NOTCH1: variants seen among roughly 807,000 people sequenced by gnomAD.
The protein encoded by NOTCH1 is notch receptor 1.
Under a neutral mutation model 254.8 loss-of-function variants are expected in NOTCH1, and 37 were observed. That is an observed-to-expected ratio of 0.15 (90% CI 0.11 to 0.19). The LOEUF (loss-of-function observed/expected upper bound fraction) is 0.19. NOTCH1 is among the 10% of genes least tolerant of loss of function. The pLI is 1.00. For synonymous variants in NOTCH1, 1,731 were observed against 1,618.1 expected, an observed-to-expected ratio of 1.07 and a Z score of -1.68; for missense variants, 2,972 against 3,708.6, an observed-to-expected ratio of 0.80 and a Z score of 5.16.
Position 136,497,223 on chromosome 9 carries a change from C to T in NOTCH1, c.6516G>A (p.Glu2172=), listed in dbSNP as rs199673148. 6.2e-7 allele frequency: 1 copy of T among 1,612,726 alleles called. No homozygotes were observed. The highest frequency in any genetic ancestry group is 1.1e-5 in the South Asian group (1 of 91,090). ...SSKGLACGSK[E]AKDLKARRKK... is the part of the protein sequence containing the mutation. ...TCCTCCGTGCCTTGAGGTCCTTGGCCTCCTTGCTTCCACAGGCCAGGCCTT... is the reference window on the plus strand; with the variant it reads ...TCCTCCGTGCCTTGAGGTCCTTGGCTTCCTTGCTTCCACAGGCCAGGCCTT... The change falls in exon 34 of 34, where the codon GAG becomes GAA. Residue 2172 remains glutamate, a synonymous_variant. Transcript: ENST00000651671.
At chr9:136,510,204 C>T (rs1432941741) in intron 17 of NOTCH1, among the ~76,000 whole-genome samples, 1 of 152,238 alleles carries the variant, frequency 6.6e-6, no homozygotes, top group Non-Finnish European at 1.5e-5. Context: ...GGGCAGGGGG[C>T]AGCTTTGCAG....
intron 13 of NOTCH1, 127 bp downstream of exon 13, chr9:136,514,383 T>C (rs1843229041): frequency 9.5e-7 from 1 of 1,049,056 alleles, no homozygotes; most frequent in Non-Finnish European, 1.4e-6. Flanking sequence ...GGGAGCTCCC[T>C]GCCACCCAGC....
At chr9:136,507,280 C>G (rs1190302822) in intron 22 of NOTCH1, 25 bp downstream of exon 22, 3 of 1,612,748 alleles carry the variant, frequency 1.9e-6, no homozygotes, top group Admixed American at 1.7e-5. Flanking sequence ...TGGCCAACAC[C>G]AGCCCTCCGT....
intron 2 of NOTCH1, among the ~76,000 whole-genome samples, chr9:136,539,685 C>CTT: frequency 6.6e-6 from 1 of 152,320 alleles, no homozygotes; most frequent in South Asian, 2.1e-4. Flanking sequence ...CCCTGGCGCC[C>CTT]TTGAAGACCA....
At chr9:136,530,888 A>T (rs1475785424) in intron 2 of NOTCH1, among the ~76,000 whole-genome samples, 3 of 151,762 alleles carry the variant, frequency 2.0e-5, no homozygotes, top group African/African-American at 7.3e-5. Context: ...CTCAAACCAC[A>T]CTCCATGAAT....
rs745964897 is a variant in NOTCH1 at position 136,503,345 on chromosome 9, A to G, written c.5019-15T>C. On this transcript the variant is annotated splice_polypyrimidine_tract_variant and intron_variant, in intron 26 of 33. Coordinates refer to ENST00000651671, the MANE Select transcript of NOTCH1 (RefSeq NM_017617.5). ...AGACGATGGAGCTGGGCGGACAATCAGAGAGGGGCTGGGACCCGAGGCTTC... is the reference window on the plus strand; with the variant it reads ...AGACGATGGAGCTGGGCGGACAATCGGAGAGGGGCTGGGACCCGAGGCTTC... The G allele has an allele frequency of 6.2e-7, 1 of 1,612,484 alleles. No individual in the cohort carries two copies. Among genetic ancestry groups the G allele is most frequent in the Admixed American group, 1.7e-5 (1 of 60,008 alleles).
At chr9:136,532,055 G>GTGA (rs1174758902) in intron 2 of NOTCH1, among the ~76,000 whole-genome samples, 1 of 152,226 alleles carries the variant, frequency 6.6e-6, no homozygotes, top group East Asian at 1.9e-4. Flanking sequence ...CGGGCCCAGC[G>GTGA]TGATCACCGG....
intron 2 of NOTCH1, among the ~76,000 whole-genome samples, chr9:136,527,658 G>A (rs1489424769): frequency 2.6e-5 from 4 of 152,202 alleles, no homozygotes; most frequent in Non-Finnish European, 4.4e-5. Context: ...GGGCTCCCAC[G>A]GAGGAGACCC....
At position 136,497,095 on chromosome 9, in the gene NOTCH1, G is replaced by A. The variant is rs1401419952; in HGVS notation, c.6644C>T (p.Ser2215Leu). Residue 2215 changes from serine (S) to leucine (L), a missense_variant, in exon 34 of 34, where the codon TCG (serine) becomes TTG (leucine). By Grantham distance (145) the Ser-to-Leu change is moderately radical (BLOSUM62 -2). Coordinates refer to ENST00000651671, the MANE Select transcript of NOTCH1 (RefSeq NM_017617.5). Reference protein sequence around the residue: ...SPHGYLSDVASPPLLPSPFQQ... With the variant: ...SPHGYLSDVALPPLLPSPFQQ... ...GAACGGGGAGGGCAGCAGTGGCGGC[G>A]AGGCCACGTCTGACAGGTAGCCATG... The A allele has an allele frequency of 6.8e-6, 11 of 1,609,976 alleles. No homozygotes were observed. Among genetic ancestry groups the A allele is most frequent in the East Asian group, 4.5e-5 (2 of 44,806 alleles).
At chr9:136,531,834 G>A (rs566297877) in intron 2 of NOTCH1, among the ~76,000 whole-genome samples, 11 of 152,224 alleles carry the variant, frequency 7.2e-5, no homozygotes, top group Non-Finnish European at 8.8e-5. Flanking sequence ...GCAGATGGAC[G>A]GCGGCTTCAG....
In NOTCH1 at chr9:136,507,327, G is replaced by A. The variant is rs2133345083; in HGVS notation, c.3621C>T (p.Cys1207=). ...TCLDLPNTYK[C]SCPRGTQGVH... is the part of the protein sequence containing the mutation. ...TACCCTGAGTGCCCCGTGGGCAGGA[G>A]CACTTGTAGGTGTTGGGGAGGTCGA... is the stretch of plus-strand genomic sequence containing the variant. Residue 1207 remains cysteine (C), a synonymous_variant, in exon 22 of 34, where the codon TGC becomes TGT. Coordinates refer to ENST00000651671, the MANE Select transcript of NOTCH1 (RefSeq NM_017617.5). The A allele has an allele frequency of 1.2e-6, 2 of 1,612,970 alleles. No individual in the cohort carries two copies.
chr9:136,530,133 T>A (rs911253473), intron 2 of NOTCH1, among the ~76,000 whole-genome samples: 2 of 151,524 alleles, frequency 1.3e-5, no homozygotes, highest in African/African-American at 4.8e-5. Flanking sequence ...CGGAGTTGGG[T>A]GGGGCGGGGG....
At position 136,507,198 on chromosome 9, in the gene NOTCH1, A is replaced by G. The variant is rs1260632682; in HGVS notation, c.3643+107T>C. On this transcript the variant is annotated intron_variant, in intron 22 of 33. Transcript: ENST00000651671. ...CCTTGGCCTCACACAGGAAAATGGG[A>G]GTTTCTGGCTGGTTCCTGGATGCCT... is the stretch of plus-strand genomic sequence containing the variant. 2.5e-6 allele frequency: 4 copies of G among 1,578,274 alleles called. No homozygotes were observed. In the Admixed American group the frequency reaches 6.7e-5, roughly 26 times the overall value.
chr9:136,498,828 G>A (rs1219375333), intron 33 of NOTCH1, 71 bp downstream of exon 33: 15 of 1,557,948 alleles, frequency 9.6e-6, no homozygotes, highest in Middle Eastern at 1.7e-4. Flanking sequence ...CCTGCGCCCC[G>A]TGGGTTTGGC....
Position 136,517,397 on chromosome 9 carries a change from G to A in NOTCH1, c.1442-12C>T, listed in dbSNP as rs1241878638. On this transcript the variant is annotated splice_polypyrimidine_tract_variant and intron_variant, in intron 8 of 33. Transcript: ENST00000651671. ...CACACCCTCGTAGCCTGTGGGGTGG[G>A]GCAACAGTGAGGGGGGCACGCGCGG... The A allele has an allele frequency of 2.6e-6, 4 of 1,567,330 alleles. No homozygotes were observed. The highest frequency in any genetic ancestry group is 2.3e-5 in the East Asian group (1 of 42,984).
rs372627206 is a variant in NOTCH1 at position 136,515,282 on chromosome 9, C to T, written c.2014+8G>A. The T allele has an allele frequency of 2.5e-6, 4 of 1,611,788 alleles. No individual in the cohort carries two copies. In the African/African-American group the frequency reaches 5.3e-5, roughly 22 times the overall value. On this transcript the variant is annotated splice_region_variant and intron_variant, in intron 12 of 33. Transcript: ENST00000651671. ...GTGCAGTCAGCCCCCACGTGCAGGG[C>T]CGCTCACCTGTGTAGCCCGGCTCAC...
intron 2 of NOTCH1, among the ~76,000 whole-genome samples, chr9:136,541,567 C>A (rs1038454886): frequency 1.3e-5 from 2 of 152,332 alleles, no homozygotes; most frequent in South Asian, 4.1e-4. Flanking sequence ...GCTGGGGGAG[C>A]CAGGCCTCCT....
At chr9:136,534,506 G>GC in intron 2 of NOTCH1, among the ~76,000 whole-genome samples, 1 of 152,266 alleles carries the variant, frequency 6.6e-6, no homozygotes, top group Admixed American at 6.5e-5. Context: ...ATCTCAACTA[G>GC]CAACCAAGGA....
At chr9:136,538,879 C>T (rs545693068) in intron 2 of NOTCH1, among the ~76,000 whole-genome samples, 2 of 152,222 alleles carry the variant, frequency 1.3e-5, no homozygotes, top group Non-Finnish European at 2.9e-5. Flanking sequence ...CCAATCGATT[C>T]TGCAAAGCCA....
Sources: allele counts gnomAD v4.1 joint callset (sites outside exome capture counted in the v4.1 genomes callset), GRCh38; gene constraint gnomAD v4.1.1; transcripts MANE v1.5; gene names NCBI Gene and HGNC (gene_info 2026-07-23, HGNC 2026-07-21).